GLCE: variants seen among roughly 807,000 people sequenced by gnomAD.
The protein encoded by GLCE is glucuronic acid epimerase, also known as D-glucuronyl C5-epimerase.
In GLCE, 19 loss-of-function variants were observed where a neutral mutation model predicts 47.9. That is an observed-to-expected ratio of 0.40 (90% CI 0.28 to 0.58). The LOEUF (loss-of-function observed/expected upper bound fraction) is 0.58. GLCE is among the 20% of genes least tolerant of loss of function. The probability of loss-of-function intolerance (pLI) is 0.48; values close to 1 mark genes in which losing one functional copy is unlikely to be tolerated. For synonymous variants in GLCE, 245 were observed against 263.4 expected (o/e 0.93, Z 0.68); for missense variants, 556 against 743.3 (o/e 0.75, Z 2.93).
rs144767152 is a variant in GLCE at position 69,244,543 on chromosome 15, C to T, written c.-13-11251C>T. On this transcript the variant is annotated intron_variant, in intron 2 of 4. Transcript: ENST00000261858. ...TCTTCTGGGGAAGGGGAGTATTCAG[C>T]TTCTGAAATATAATATTTATATATC... is the stretch of plus-strand genomic sequence containing the variant. 1.3e-4 allele frequency among the ~76,000 whole-genome samples: 20 copies of T among 152,266 alleles called. No homozygotes were observed. In the East Asian group the frequency reaches 3.7e-3, roughly 28 times the overall value.
At chr15:69,254,568 G>A (rs2052894782) in intron 2 of GLCE, among the ~76,000 whole-genome samples, 2 of 152,100 alleles carry the variant, frequency 1.3e-5, no homozygotes, top group Admixed American at 1.3e-4. Context: ...CAATGTAGTT[G>A]GTGAAAAGAG....
intron 2 of GLCE, among the ~76,000 whole-genome samples, chr15:69,223,095 A>G (rs2052399512): frequency 6.6e-6 from 1 of 152,228 alleles, no homozygotes; most frequent in Non-Finnish European, 1.5e-5. Context: ...TTGTATAGAA[A>G]ACAAAAAGTG....
intron 1 of GLCE, among the ~76,000 whole-genome samples, chr15:69,203,915 G>A (rs978251076): frequency 6.6e-6 from 1 of 152,080 alleles, no homozygotes; most frequent in Non-Finnish European, 1.5e-5. Context: ...AATGGAAATA[G>A]TTGGCTAAAT....
chr15:69,242,883 TAAAAATAAAAATA>T (rs1395868733), intron 2 of GLCE, among the ~76,000 whole-genome samples: 1 of 146,660 alleles, frequency 6.8e-6, no homozygotes, highest in South Asian at 2.1e-4. Context: ...TCATCTCTAC[TAAAAATAAAAATA>T]AAAAATAAAA....
chr15:69,267,545 A>G (rs558184232), intron 4 of GLCE, among the ~76,000 whole-genome samples: 3 of 152,344 alleles, frequency 2.0e-5, no homozygotes, highest in Non-Finnish European at 2.9e-5. Context: ...CAAGTATGTG[A>G]AAACAAATCT....
At chr15:69,218,482 G>A (rs1310717209) in intron 2 of GLCE, among the ~76,000 whole-genome samples, 1 of 152,090 alleles carries the variant, frequency 6.6e-6, no homozygotes, top group Non-Finnish European at 1.5e-5. Flanking sequence ...CCACTGGAGT[G>A]AGACCCAGTC....
At chr15:69,207,218 G>A (rs1398934374) in intron 1 of GLCE, among the ~76,000 whole-genome samples, 1 of 152,070 alleles carries the variant, frequency 6.6e-6, no homozygotes, top group Admixed American at 6.6e-5. Flanking sequence ...GTCATGGACT[G>A]CATTCTATCT....
chr15:69,193,360 C>T (rs995853687), intron 1 of GLCE, among the ~76,000 whole-genome samples: 1 of 152,222 alleles, frequency 6.6e-6, no homozygotes, highest in Middle Eastern at 3.4e-3. Flanking sequence ...TCCAGACCCT[C>T]TTTGTCCTTC....
chr15:69,187,643 A>G (rs2051843805), intron 1 of GLCE, among the ~76,000 whole-genome samples: 1 of 152,224 alleles, frequency 6.6e-6, no homozygotes, highest in Admixed American at 6.5e-5. Flanking sequence ...TGTACAATTT[A>G]AAGAATAAGA....
At chr15:69,220,046 A>C (rs1356593558) in intron 2 of GLCE, among the ~76,000 whole-genome samples, 1 of 152,170 alleles carries the variant, frequency 6.6e-6, no homozygotes, top group Non-Finnish European at 1.5e-5. Context: ...AACATATATC[A>C]TAATTTCCTT....
chr15:69,190,318 G>A (rs8039652), intron 1 of GLCE, among the ~76,000 whole-genome samples: 4,133 of 152,168 alleles, frequency 0.027, 194 homozygotes, highest in African/African-American at 0.094. Flanking sequence ...TTGGTTGCTA[G>A]TGGTGTTCAA....
chr15:69,202,199 C>T (rs958239422), intron 1 of GLCE, among the ~76,000 whole-genome samples: 7 of 152,012 alleles, frequency 4.6e-5, no homozygotes, highest in African/African-American at 1.7e-4. Flanking sequence ...GGATTATAGG[C>T]ATGAACCACG....
chr15:69,266,027 G>A (rs748596988), intron 4 of GLCE, among the ~76,000 whole-genome samples: 2 of 152,170 alleles, frequency 1.3e-5, no homozygotes, highest in Non-Finnish European at 2.9e-5. Context: ...TGCTAGTTAA[G>A]AGAGAGAGTA....
chr15:69,228,089 T>C (rs72756303), intron 2 of GLCE, among the ~76,000 whole-genome samples: 6,275 of 152,284 alleles, frequency 0.041, 181 homozygotes, highest in Non-Finnish European at 0.06. Context: ...CTCCAAGGCA[T>C]TATGTTCTTT....
intron 2 of GLCE, among the ~76,000 whole-genome samples, chr15:69,228,054 G>GA (rs2052473557): frequency 6.6e-6 from 1 of 152,168 alleles, no homozygotes; most frequent in Non-Finnish European, 1.5e-5. Context: ...AAATAGTAGA[G>GA]AAAGCTAGGA....
chr15:69,256,199 T>G lies in GLCE; in HGVS notation c.393T>G (p.Thr131=), dbSNP rs2052922195. 1 of 1,614,070 alleles carries G rather than the reference T, an allele frequency of 6.2e-7. No individual in the cohort carries two copies. Among genetic ancestry groups the G allele is most frequent in the East Asian group, 2.2e-5 (1 of 44,876 alleles). ...REGNEVFLPF[T]WVEKYFDVYG... is the part of the protein sequence containing the mutation. ...GGAACGAAGTCTTTCTTCCATTCAC[T>G]TGGGTTGAGAAATATTTTGATGTTT... is the stretch of plus-strand genomic sequence containing the variant. The change falls in exon 3 of 5, where the codon ACT becomes ACG. Residue 131 remains threonine (T), a synonymous_variant. Coordinates refer to ENST00000261858, the MANE Select transcript of GLCE (RefSeq NM_015554.3).
intron 2 of GLCE, among the ~76,000 whole-genome samples, chr15:69,226,172 A>G (rs1438262312): frequency 2.6e-5 from 4 of 152,156 alleles, no homozygotes; most frequent in Non-Finnish European, 1.5e-5. Context: ...ACCTACCTTT[A>G]GGTGAATTGA....
chr15:69,193,127 A>T (rs114717137), intron 1 of GLCE, among the ~76,000 whole-genome samples: 1,732 of 149,650 alleles, frequency 0.012, 26 homozygotes, highest in African/African-American at 0.038. Context: ...CTAAACTCTG[A>T]TATATGTCTT....
chr15:69,208,167 T>C (rs1036366250), intron 1 of GLCE, among the ~76,000 whole-genome samples: 3 of 152,026 alleles, frequency 2.0e-5, no homozygotes, highest in Non-Finnish European at 4.4e-5. Context: ...TTTATAACTT[T>C]TAATTTTATG....
Sources: gnomAD v4.1 joint callset for allele counts (sites outside exome capture counted in the v4.1 genomes callset) on GRCh38, gnomAD v4.1.1 for gene constraint, MANE v1.5 for transcripts, NCBI Gene and HGNC (gene_info 2026-07-23, HGNC 2026-07-21) for gene names.